TRPM3: variants seen among roughly 807,000 people sequenced by gnomAD.
TRPM3 encodes transient receptor potential cation channel subfamily M member 3.
A neutral mutation model predicts 181.2 loss-of-function variants in TRPM3; 77 were observed. The observed-to-expected ratio is 0.42, with a 90% CI of 0.35 to 0.51. The LOEUF (loss-of-function observed/expected upper bound fraction) is 0.51. Ranked by LOEUF, TRPM3 falls within the 20% of genes least tolerant of loss-of-function variation. The pLI is 0.01. For synonymous variants in TRPM3, 745 were observed against 796.4 expected, an observed-to-expected ratio of 0.94 and a Z score of 1.09; for missense variants, 1,759 against 2,196.7, an observed-to-expected ratio of 0.80 and a Z score of 3.98.
intron 1 of TRPM3, among the ~76,000 whole-genome samples, chr9:70,921,946 C>T (rs867363590): frequency 6.8e-6 from 1 of 146,684 alleles, no homozygotes; most frequent in Non-Finnish European, 1.5e-5. Context: ...CAAACAAACA[C>T]ACACACACAC....
chr9:71,432,323 C>A (rs1305455422), intron 1 of TRPM3, among the ~76,000 whole-genome samples: 1 of 76,648 alleles, frequency 1.3e-5, no homozygotes, highest in Admixed American at 1.5e-4. Context: ...AAAAGTAGGA[C>A]TTTTTTTTTT....
chr9:70,910,838 T>G (rs1195019503), intron 1 of TRPM3, among the ~76,000 whole-genome samples: 1 of 152,328 alleles, frequency 6.6e-6, no homozygotes, highest in East Asian at 1.9e-4. Flanking sequence ...GAGCTCTTAA[T>G]CATTGCTCAG....
intron 1 of TRPM3, among the ~76,000 whole-genome samples, chr9:71,417,945 AT>A (rs1041652100): frequency 2.0e-5 from 3 of 151,994 alleles, no homozygotes; most frequent in Non-Finnish European, 4.4e-5. Flanking sequence ...TAAGTTGATG[AT>A]TTTTTAAGTT....
intron 25 of TRPM3, among the ~76,000 whole-genome samples, chr9:70,546,181 C>A (rs2044830688): frequency 6.6e-6 from 1 of 152,330 alleles, no homozygotes; most frequent in African/African-American, 2.4e-5. Context: ...TCAGCACCAT[C>A]CTCTGCCAAG....
chr9:71,419,323 A>T (rs1283139782), intron 1 of TRPM3, among the ~76,000 whole-genome samples: 1 of 151,958 alleles, frequency 6.6e-6, no homozygotes, highest in African/African-American at 2.4e-5. Flanking sequence ...CCCCCAAAGG[A>T]TGAAGAAAAC....
At chr9:70,538,524 A>G (rs2042385345) in intron 25 of TRPM3, among the ~76,000 whole-genome samples, 1 of 151,930 alleles carries the variant, frequency 6.6e-6, no homozygotes, top group African/African-American at 2.4e-5. Context: ...AACCTCCCAG[A>G]CTCAAGCGAT....
chr9:71,399,899 A>G (rs948016249), intron 1 of TRPM3, among the ~76,000 whole-genome samples: 2 of 152,056 alleles, frequency 1.3e-5, no homozygotes, highest in Admixed American at 1.3e-4. Context: ...TTTCTTGAAT[A>G]TGATATGAAA....
At chr9:70,909,456 T>A (rs1004744816) in intron 1 of TRPM3, among the ~76,000 whole-genome samples, 22 of 151,924 alleles carry the variant, frequency 1.4e-4, no homozygotes, top group African/African-American at 5.3e-4. Context: ...ATGGTGGACA[T>A]AAAGGAATCC....
chr9:70,769,620 TAAAAATAAAATTTAAGAAAA>T lies in TRPM3; in HGVS notation c.1149-7916_1149-7897del, dbSNP rs1240905764. ...AGTGTATCCCATGTTATTTGTCAAT[TAAAAATAAAATTTAAGAAAA>T]TTAAAAAAAATCACCCTCATCTCCT... On this transcript the variant is annotated intron_variant, in intron 7 of 25. Coordinates refer to ENST00000677713, the MANE Select transcript of TRPM3 (RefSeq NM_001366145.2). 2.6e-5 allele frequency among the ~76,000 whole-genome samples: 4 copies of T among 152,222 alleles called. No homozygotes were observed. The East Asian group carries it at 7.7e-4, about 29-fold the overall frequency.
intron 9 of TRPM3, among the ~76,000 whole-genome samples, chr9:70,670,611 T>C (rs2062725434): frequency 6.6e-6 from 1 of 152,218 alleles, no homozygotes; most frequent in African/African-American, 2.4e-5. Context: ...TTTTCTGCTG[T>C]TTTTGTTTTT....
At chr9:71,321,393 T>C (rs1017371295) in intron 1 of TRPM3, among the ~76,000 whole-genome samples, 1 of 152,138 alleles carries the variant, frequency 6.6e-6, no homozygotes, top group Non-Finnish European at 1.5e-5. Flanking sequence ...ACCAAAGTGA[T>C]TGTCCTAAAG....
rs566139399 is a variant in TRPM3 at position 71,332,376 on chromosome 9, G to GGGGTGTGTGTGT, written c.183+114276_183+114277insACACACACACCC. Among the ~76,000 whole-genome samples, 111 of 142,324 alleles carry GGGGTGTGTGTGT rather than the reference G, an allele frequency of 7.8e-4. 1 individual carries two copies. Among genetic ancestry groups the GGGGTGTGTGTGT allele is most frequent in the African/African-American group, 2.7e-3 (106 of 39,076 alleles). 93.4% of individuals were successfully genotyped at this position (142,324 alleles called of 152,430 possible). A position where few individuals can be genotyped will look rare whatever the true frequency, so the allele number is the denominator to read the frequency against. ...TCTAGGTCAGTGGTTTTCAATGTTG[G>GGGGTGTGTGTGT]GTGTGTGTGTGTGTGTGTGTGTGTG... On this transcript the variant is annotated intron_variant, in intron 1 of 24. Coordinates refer to the TRPM3 transcript ENST00000357533.
intron 1 of TRPM3, among the ~76,000 whole-genome samples, chr9:70,871,082 T>C (rs2095781388): frequency 6.6e-6 from 1 of 151,728 alleles, no homozygotes; most frequent in Non-Finnish European, 1.5e-5. Flanking sequence ...AAAGAAAGTT[T>C]TATAATGTGG....
intron 1 of TRPM3, among the ~76,000 whole-genome samples, chr9:71,326,766 T>G (rs1197259383): frequency 6.6e-6 from 1 of 152,130 alleles, no homozygotes; most frequent in East Asian, 1.9e-4. Flanking sequence ...GGCTCAGAAA[T>G]ACCTCCTTCA....
chr9:71,410,723 A>G (rs2093531109), intron 1 of TRPM3, among the ~76,000 whole-genome samples: 1 of 152,186 alleles, frequency 6.6e-6, no homozygotes, highest in South Asian at 2.1e-4. Context: ...ATTCCAATCA[A>G]TAGAAAAAGA....
chr9:70,619,391 T>G (rs1411575795), intron 16 of TRPM3, among the ~76,000 whole-genome samples: 2 of 147,578 alleles, frequency 1.4e-5, no homozygotes, highest in Non-Finnish European at 1.5e-5. Flanking sequence ...GAGTACAGTA[T>G]GTCATCGTCG....
At chr9:71,367,851 GC>G (rs1417879453) in intron 1 of TRPM3, among the ~76,000 whole-genome samples, 1 of 152,076 alleles carries the variant, frequency 6.6e-6, no homozygotes, top group East Asian at 1.9e-4. Context: ...GGCATATGTT[GC>G]TTTTTGCCCT....
intron 1 of TRPM3, among the ~76,000 whole-genome samples, chr9:71,342,446 C>G (rs901159109): frequency 1.3e-5 from 2 of 151,154 alleles, no homozygotes; most frequent in Admixed American, 6.6e-5. Flanking sequence ...AATTATGATA[C>G]AATTACACAA....
At chr9:71,009,937 G>A (rs1026374141) in intron 1 of TRPM3, among the ~76,000 whole-genome samples, 6 of 152,070 alleles carry the variant, frequency 3.9e-5, no homozygotes, top group Non-Finnish European at 7.4e-5. Context: ...TGCATTTAAA[G>A]CCAACTGATT....
Sources: gnomAD v4.1 joint callset for allele counts (sites outside exome capture counted in the v4.1 genomes callset) on GRCh38, gnomAD v4.1.1 for gene constraint, MANE v1.5 for transcripts, NCBI Gene and HGNC (gene_info 2026-07-23, HGNC 2026-07-21) for gene names.